UGT8: variants seen among roughly 807,000 people sequenced by gnomAD.
UGT8 encodes UDP glycosyltransferase 8, also known as 2-hydroxyacylsphingosine 1-beta-galactosyltransferase.
A neutral mutation model predicts 40.5 loss-of-function variants in UGT8; 12 were observed. The ratio of observed to expected loss-of-function variants is 0.30; its 90% CI spans 0.19 to 0.48. The LOEUF is 0.48. Among genes scored for constraint, UGT8 ranks in the 20% least tolerant of loss-of-function variants. The probability of loss-of-function intolerance (pLI) is 0.99; values close to 1 mark genes in which losing one functional copy is unlikely to be tolerated. For missense variants in UGT8, 513 were observed against 648.7 expected (o/e 0.79, Z 2.27); for synonymous variants, 224 against 240.4 (o/e 0.93, Z 0.63).
chr4:114,655,631 A>G (rs943519253), intron 2 of UGT8, among the ~76,000 whole-genome samples: 3 of 152,132 alleles, frequency 2.0e-5, no homozygotes, highest in South Asian at 2.1e-4. Context: ...TACCAGAACC[A>G]TCTGACAATA....
chr4:114,613,303 A>G (rs1056310221), intron 1 of UGT8, among the ~76,000 whole-genome samples: 2 of 152,186 alleles, frequency 1.3e-5, no homozygotes, highest in African/African-American at 4.8e-5. Flanking sequence ...ATTAACAATT[A>G]TTTTAATTAT....
Position 114,620,582 on chromosome 4 carries a change from T to C in UGT8, c.-2-2297T>C, listed in dbSNP as rs12331727. On this transcript the variant is annotated intron_variant, in intron 1 of 5. Transcript: ENST00000310836. ...CAGTATCTTCTCCAAAGTTAATTAT[T>C]TTTAAAGCCTTATAATAATGTAAGT... 2.6e-3 allele frequency among the ~76,000 whole-genome samples: 396 copies of C among 152,340 alleles called. 2 individuals carry two copies. Among genetic ancestry groups the C allele is most frequent in the African/African-American group, 9.3e-3 (385 of 41,572 alleles).
intron 2 of UGT8, among the ~76,000 whole-genome samples, chr4:114,655,570 C>A (rs1734134526): frequency 6.6e-6 from 1 of 151,804 alleles, no homozygotes; most frequent in Non-Finnish European, 1.5e-5. Flanking sequence ...ATTTTTAAAA[C>A]AATATTAAGT....
chr4:114,619,598 T>C (rs950296527), intron 1 of UGT8: 4 of 152,106 alleles, frequency 2.6e-5, no homozygotes, highest in African/African-American at 9.7e-5. Context: ...TAATGTTTAG[T>C]ATCCTAATTT....
chr4:114,609,848 C>T (rs1161927000), intron 1 of UGT8, among the ~76,000 whole-genome samples: 2 of 152,074 alleles, frequency 1.3e-5, no homozygotes, highest in African/African-American at 4.8e-5. Flanking sequence ...CATTTTGAAC[C>T]AGACATGTTG....
intron 2 of UGT8, among the ~76,000 whole-genome samples, chr4:114,660,034 T>C (rs995467141): frequency 6.6e-6 from 1 of 152,184 alleles, no homozygotes; most frequent in African/African-American, 2.4e-5. Context: ...TGTTACTCTT[T>C]CCTTCAGAAT....
intron 1 of UGT8, among the ~76,000 whole-genome samples, chr4:114,611,175 G>A (rs895452483): frequency 1.7e-4 from 26 of 151,916 alleles, no homozygotes; most frequent in African/African-American, 3.6e-4. Context: ...AAAATAAAAC[G>A]TATACACGTT....
intron 2 of UGT8, among the ~76,000 whole-genome samples, chr4:114,629,885 A>T (rs951978881): frequency 6.6e-6 from 1 of 152,232 alleles, no homozygotes; most frequent in Non-Finnish European, 1.5e-5. Context: ...TTAAGCTTTA[A>T]TAAGCCCTAG....
chr4:114,626,178 G>A (rs1343165994), intron 2 of UGT8, among the ~76,000 whole-genome samples: 1 of 152,054 alleles, frequency 6.6e-6, no homozygotes, highest in Non-Finnish European at 1.5e-5. Flanking sequence ...TTCTGGTGTG[G>A]TTTTATATGC....
chr4:114,639,307 C>T (rs371036241), intron 2 of UGT8, among the ~76,000 whole-genome samples: 1 of 152,164 alleles, frequency 6.6e-6, no homozygotes, highest in Non-Finnish European at 1.5e-5. Flanking sequence ...GTCAGATACT[C>T]GAAGAACCTG....
At position 114,676,216 on chromosome 4, in the gene UGT8, T is replaced by G. The variant is rs1735637382; in HGVS notation, c.1554T>G (p.His518Gln). 6.2e-7 allele frequency: 1 copy of G among 1,613,700 alleles called. No homozygotes were observed. The highest frequency in any genetic ancestry group is 1.1e-5 in the South Asian group (1 of 91,006). The change falls in exon 6 of 6, where the codon CAT (histidine) becomes CAG (glutamine). Residue 518 changes from histidine to glutamine, a missense_variant. His to Gln is a conservative substitution (Grantham distance 24). Coordinates refer to ENST00000310836, the MANE Select transcript of UGT8 (RefSeq NM_001128174.3). ...ATAAGCATAGCACAGTTAATGGACA[T>G]TACCACAATGGAATCCTCAATGGCA... Reference protein sequence around the residue: ...SRNKHSTVNGHYHNGILNGKY... With the variant: ...SRNKHSTVNGQYHNGILNGKY...
At chr4:114,600,214 C>T (rs1176543930) in intron 1 of UGT8, among the ~76,000 whole-genome samples, 1 of 152,018 alleles carries the variant, frequency 6.6e-6, no homozygotes, top group Non-Finnish European at 1.5e-5. Context: ...TTAGCAGTGA[C>T]GATAGAGTCT....
rs546812069 is a variant in UGT8, at chr4:114,624,819, G to A, written c.822+1117G>A. 3.8e-3 allele frequency among the ~76,000 whole-genome samples: 584 copies of A among 152,122 alleles called. 2 individuals carry two copies. The highest frequency in any genetic ancestry group is 6.1e-3 in the Non-Finnish European group (414 of 68,008). ...TTCATATAACATGGAAACAGAAATG[G>A]CCTGTACACCCACAGCATTTCAAAT... On this transcript the variant is annotated intron_variant, in intron 2 of 5. Transcript: ENST00000310836.
At chr4:114,642,175 A>AGAT (rs1248082421) in intron 2 of UGT8, among the ~76,000 whole-genome samples, 8 of 152,148 alleles carry the variant, frequency 5.3e-5, no homozygotes, top group African/African-American at 1.7e-4. Context: ...TGTAGCTGAA[A>AGAT]GATGATGAGC....
Position 114,665,709 on chromosome 4 carries a change from G to A in UGT8, c.995G>A (p.Gly332Glu), listed in dbSNP as rs2126133698. The change falls in exon 4 of 6, where the codon GGA becomes GAA. Residue 332 changes from glycine to glutamate, a missense_variant. Around this residue, in one of 3 missense-constraint regions of UGT8, gnomAD observed 335 missense variants for 444.8 expected, o/e 0.75. Transcript: ENST00000310836. Reference protein sequence around the residue: ...RFSGPKPKNLGNNTKLIEWLP... With the variant: ...RFSGPKPKNLENNTKLIEWLP... Reference sequence around the variant, plus strand: ...TCTGGACCCAAACCAAAGAATCTAGGAAACAACACTAAACTCATAGAATGG... The same window carrying A: ...TCTGGACCCAAACCAAAGAATCTAGAAAACAACACTAAACTCATAGAATGG... 6.2e-7 allele frequency: 1 copy of A among 1,608,562 alleles called. No individual in the cohort carries two copies. Among genetic ancestry groups the A allele is most frequent in the South Asian group, 1.1e-5 (1 of 90,100 alleles).
At chr4:114,621,836 T>C (rs1177767414) in intron 1 of UGT8, among the ~76,000 whole-genome samples, 1 of 152,230 alleles carries the variant, frequency 6.6e-6, no homozygotes, top group Non-Finnish European at 1.5e-5. Flanking sequence ...TTGCTTTCAA[T>C]TCTATACTTA....
chr4:114,620,052 G>A (rs1240004622), intron 1 of UGT8, among the ~76,000 whole-genome samples: 1 of 151,974 alleles, frequency 6.6e-6, no homozygotes, highest in African/African-American at 2.4e-5. Context: ...TAAAAATTAT[G>A]TGATTTCTTT....
At chr4:114,625,025 T>G (rs780460596) in intron 2 of UGT8, among the ~76,000 whole-genome samples, 17 of 152,180 alleles carry the variant, frequency 1.1e-4, no homozygotes, top group Non-Finnish European at 1.9e-4. Context: ...ATTTTAGAAG[T>G]AGCTTCTAAA....
intron 1 of UGT8, among the ~76,000 whole-genome samples, chr4:114,605,699 A>G (rs913176952): frequency 2.0e-5 from 3 of 152,160 alleles, no homozygotes; most frequent in Non-Finnish European, 4.4e-5. Flanking sequence ...ACATGAATTT[A>G]CAAAGTAGAA....
Sources: allele counts gnomAD v4.1 joint callset (sites outside exome capture counted in the v4.1 genomes callset), GRCh38; gene constraint gnomAD v4.1.1; regional missense constraint gnomAD v4.1.1; transcripts MANE v1.5; gene names NCBI Gene and HGNC (gene_info 2026-07-23, HGNC 2026-07-21).